NUCB2: variants seen among roughly 807,000 people sequenced by gnomAD.
NUCB2 encodes nucleobindin-2.
NUCB2 carries 48 observed loss-of-function variants against 57.9 expected under a neutral mutation model. That is an observed-to-expected ratio of 0.83 (90% CI 0.66 to 1.05). The LOEUF (loss-of-function observed/expected upper bound fraction) is 1.05. NUCB2 is among the 50% of genes least tolerant of loss of function. The pLI, the probability that NUCB2 is intolerant of heterozygous loss-of-function variation, is 0.00. For synonymous variants in NUCB2, 139 were observed against 152.1 expected (o/e 0.91, Z 0.64); for missense variants, 442 against 476.2 (o/e 0.93, Z 0.67).
intron 5 of NUCB2, 47 bp downstream of exon 5, chr11:17,301,917 T>G (rs1164891920): frequency 5.2e-6 from 8 of 1,539,894 alleles, no homozygotes; most frequent in Non-Finnish European, 7.1e-6. Context: ...TTTTTCCTTT[T>G]GAAACAGCGT....
At chr11:17,340,346 T>G (rs1023820327) in intron 2 of NUCB2, among the ~76,000 whole-genome samples, 1 of 152,176 alleles carries the variant, frequency 6.6e-6, no homozygotes, top group African/African-American at 2.4e-5. Context: ...AGAAGCTCTT[T>G]AGTTTAATTA....
Position 17,331,463 on chromosome 11 carries a change from C to T in NUCB2, c.*44C>T. On this transcript the variant is annotated 3_prime_UTR_variant, in exon 14 of 14. Transcript: ENST00000529010. ...ACTTGGAAGAAAGCTGTTAACTCAA[C>T]ATCTATTTCATCTTTTTAGCTCCCT... is the stretch of plus-strand genomic sequence containing the variant. The T allele has an allele frequency of 7.8e-7, 1 of 1,286,102 alleles. No homozygotes were observed. The highest frequency in any genetic ancestry group is 1.0e-6 in the Non-Finnish European group (1 of 962,728). The allele number at this position is 1,286,102 out of a possible 1,614,324, so 79.7% of individuals were successfully genotyped here. A position where few individuals can be genotyped will look rare whatever the true frequency, so the allele number is the denominator to read the frequency against.
intron 5 of NUCB2, among the ~76,000 whole-genome samples, chr11:17,306,774 C>T (rs1947711298): frequency 6.6e-6 from 1 of 151,918 alleles, no homozygotes. Context: ...AAAAAATAGC[C>T]AGATGTGGTG....
At chr11:17,318,068 G>A (rs901813735) in intron 11 of NUCB2, among the ~76,000 whole-genome samples, 3 of 149,670 alleles carry the variant, frequency 2.0e-5, no homozygotes, top group Non-Finnish European at 3.0e-5. Flanking sequence ...CGTGATCTTG[G>A]CTCACTGCAA....
At chr11:17,315,604 G>A in intron 11 of NUCB2, 129 bp downstream of exon 11, 1 of 463,598 alleles carries the variant, frequency 2.2e-6, no homozygotes. Context: ...TTATATAAAT[G>A]TCAGTATAAA....
intron 1 of NUCB2, among the ~76,000 whole-genome samples, chr11:17,279,904 C>G (rs1826733004): frequency 6.6e-6 from 1 of 151,524 alleles, no homozygotes; most frequent in Non-Finnish European, 1.5e-5. Flanking sequence ...ATCCTCCTAC[C>G]TCAGCCTCCT....
At chr11:17,338,878 G>A (rs550626320) in intron 2 of NUCB2, among the ~76,000 whole-genome samples, 1 of 152,252 alleles carries the variant, frequency 6.6e-6, no homozygotes, top group East Asian at 1.9e-4. Flanking sequence ...TGGCCAGGCT[G>A]GTCTTGAACT....
intron 2 of NUCB2, among the ~76,000 whole-genome samples, chr11:17,292,155 A>T (rs777595620): frequency 2.0e-5 from 3 of 152,134 alleles, no homozygotes; most frequent in South Asian, 2.1e-4. Context: ...CTTATTTAAA[A>T]TTTTTTTTAT....
chr11:17,345,580 G>A (rs936122840), intron 2 of NUCB2, among the ~76,000 whole-genome samples: 31 of 152,018 alleles, frequency 2.0e-4, no homozygotes, highest in African/African-American at 2.9e-4. Flanking sequence ...GGTGGTGGGC[G>A]CCTGTAATCC....
intron 5 of NUCB2, 66 bp downstream of exon 5, chr11:17,301,936 G>A (rs1946822808): frequency 7.0e-7 from 1 of 1,421,982 alleles, no homozygotes; most frequent in South Asian, 1.3e-5. Context: ...GTTTTACCCT[G>A]TGGTTCAGGC....
intron 3 of NUCB2, 81 bp downstream of exon 3, chr11:17,295,548 G>A (rs1945697103): frequency 9.5e-7 from 1 of 1,048,816 alleles, no homozygotes; most frequent in South Asian, 1.4e-5. Flanking sequence ...GTGGAATGAG[G>A]TGAAACTATA....
chr11:17,335,255 T>A (rs1027956091), downstream of NUCB2, among the ~76,000 whole-genome samples: 4 of 152,140 alleles, frequency 2.6e-5, no homozygotes, highest in Admixed American at 1.3e-4. Flanking sequence ...ATGAAACTGA[T>A]AAGACATTCT....
chr11:17,295,829 G>A (rs1945737439), intron 3 of NUCB2, among the ~76,000 whole-genome samples: 1 of 152,068 alleles, frequency 6.6e-6, no homozygotes, highest in Non-Finnish European at 1.5e-5. Flanking sequence ...AAACCAAAGT[G>A]GTAAAATCTT....
chr11:17,341,113 CTCTG>C (rs1464222830), intron 2 of NUCB2, among the ~76,000 whole-genome samples: 6 of 152,090 alleles, frequency 3.9e-5, no homozygotes, highest in Middle Eastern at 6.8e-3. Context: ...TGATTTGTCT[CTCTG>C]TCTGTTATTG....
intron 1 of NUCB2, among the ~76,000 whole-genome samples, chr11:17,280,912 G>A (rs1378747694): frequency 8.6e-5 from 13 of 152,026 alleles, no homozygotes; most frequent in Non-Finnish European, 1.6e-4. Flanking sequence ...GTGGTGGTGC[G>A]TGCCTGTAGT....
chr11:17,325,971 C>T (rs1053232695), intron 11 of NUCB2, among the ~76,000 whole-genome samples: 4 of 151,910 alleles, frequency 2.6e-5, no homozygotes, highest in African/African-American at 9.7e-5. Context: ...TAACTTCATC[C>T]CCCTGCTTTT....
chr11:17,315,477 TA>T lies in NUCB2; in HGVS notation c.1002+4del. Reference sequence around the variant, plus strand: ...TTCTTGGAGCCAGATAGCTGGGAGGTAATAGAACCTACTCTAAATGAGATGT... The same window carrying T: ...TTCTTGGAGCCAGATAGCTGGGAGGTATAGAACCTACTCTAAATGAGATGT... On this transcript the variant is annotated splice_donor_region_variant and intron_variant, in intron 11 of 13. Transcript: ENST00000529010. 1 of 1,577,156 alleles carries T rather than the reference TA, an allele frequency of 6.3e-7. No homozygotes were observed. Among genetic ancestry groups the T allele is most frequent in the Non-Finnish European group, 8.7e-7 (1 of 1,147,602 alleles).
intron 2 of NUCB2, among the ~76,000 whole-genome samples, chr11:17,338,784 C>T (rs1952005667): frequency 6.6e-6 from 1 of 151,852 alleles, no homozygotes; most frequent in Non-Finnish European, 1.5e-5. Context: ...CTGCCTCAGT[C>T]TCCCAAGTAG....
intron 5 of NUCB2, among the ~76,000 whole-genome samples, chr11:17,303,297 A>G (rs1313528228): frequency 2.0e-5 from 3 of 152,216 alleles, no homozygotes; most frequent in African/African-American, 7.2e-5. Context: ...CTTGCCATAT[A>G]TTGATGCCAA....
Sources: gnomAD v4.1 joint callset for allele counts (sites outside exome capture counted in the v4.1 genomes callset) on GRCh38, gnomAD v4.1.1 for gene constraint, MANE v1.5 for transcripts, NCBI Gene and HGNC (gene_info 2026-07-23, HGNC 2026-07-21) for gene names.